Variants in CELF2 observed in about 807,000 individuals in gnomAD.
CELF2 encodes the protein CUGBP Elav-like family member 2, also known as CUG triplet repeat RNA-binding protein 2.
Under a neutral mutation model 62.6 loss-of-function variants are expected in CELF2, and 8 were observed. The observed-to-expected ratio is 0.13, with a 90% CI of 0.07 to 0.23. The LOEUF (loss-of-function observed/expected upper bound fraction) is 0.23. Ranked by LOEUF, CELF2 falls within the 10% of genes least tolerant of loss-of-function variation. The pLI, the probability that CELF2 is intolerant of heterozygous loss-of-function variation, is 1.00. For synonymous variants in CELF2, 258 were observed against 250.0 expected (o/e 1.03, Z -0.30); for missense variants, 333 against 671.0 (o/e 0.50, Z 5.56).
At chr10:10,691,081 A>G in the CELF2 span, among the ~76,000 whole-genome samples, 1 of 151,982 alleles carries the variant, frequency 6.6e-6, no homozygotes, top group African/African-American at 2.4e-5. Context: ...ATGTATACAT[A>G]TGCCATGCTG....
At chr10:11,038,547 A>G (rs2061331331) in intron 1 of CELF2, among the ~76,000 whole-genome samples, 1 of 152,268 alleles carries the variant, frequency 6.6e-6, no homozygotes, top group Non-Finnish European at 1.5e-5. Context: ...AGTAGTAGTT[A>G]TGGTACTGGG....
chr10:10,520,795 G>T, the CELF2 span, among the ~76,000 whole-genome samples: 1 of 152,142 alleles, frequency 6.6e-6, no homozygotes, highest in Non-Finnish European at 1.5e-5. Context: ...CAGAAGGCTT[G>T]AGCTTTTAAT....
the CELF2 span, among the ~76,000 whole-genome samples, chr10:10,768,807 C>G: frequency 6.6e-6 from 1 of 152,070 alleles, no homozygotes; most frequent in African/African-American, 2.4e-5. Context: ...CTCCTGACCT[C>G]AAGTGATCCA....
chr10:11,282,630 A>G (rs772265029), intron 8 of CELF2, among the ~76,000 whole-genome samples: 5 of 152,166 alleles, frequency 3.3e-5, no homozygotes, highest in Non-Finnish European at 7.3e-5. Context: ...TGAGCTTTCT[A>G]TGTGTTGACC....
At position 11,053,469 on chromosome 10, in the gene CELF2, G is replaced by A. The variant is rs1406599388; in HGVS notation, c.74+35306G>A. On this transcript the variant is annotated intron_variant, in intron 1 of 12. Transcript: ENST00000633077. ...AGTATGTGTTGTGGATGGATTAGGG[G>A]GAAATACTTTTTCTCTTTAACTCTT... is the stretch of plus-strand genomic sequence containing the variant. Among the ~76,000 whole-genome samples, 9 of 151,752 alleles carry A rather than the reference G, an allele frequency of 5.9e-5. No individual in the cohort carries two copies. The East Asian group carries it at 1.4e-3, about 23-fold the overall frequency.
rs527494668 is a variant in CELF2 at position 11,324,514 on chromosome 10, C to T, written c.1295-1322C>T. On this transcript the variant is annotated intron_variant, in intron 11 of 12. Coordinates refer to ENST00000633077, the MANE Select transcript of CELF2 (RefSeq NM_001326342.2). This position sits in a 1 kb window ranked among gnomAD's most constrained non-coding sequence, Gnocchi z 4.7. The stretch of plus-strand genomic sequence containing the variant: ...AGACTCCTTCCCATGCCCTAGAATA[C>T]GGATATATCCCAGGAAATTGGCAGC... Among the ~76,000 whole-genome samples, 7 of 152,322 alleles carry T rather than the reference C, an allele frequency of 4.6e-5. No individual in the cohort carries two copies. Among genetic ancestry groups the T allele is most frequent in the African/African-American group, 1.2e-4 (5 of 41,572 alleles).
At chr10:10,631,905 A>G in the CELF2 span, among the ~76,000 whole-genome samples, 1 of 152,330 alleles carries the variant, frequency 6.6e-6, no homozygotes, top group African/African-American at 2.4e-5. Context: ...GTTCACCTCT[A>G]ATCAGCTGCA....
the CELF2 span, among the ~76,000 whole-genome samples, chr10:10,743,911 CCAG>C: frequency 0.4 from 61,253 of 151,666 alleles, 12,663 homozygotes; most frequent in South Asian, 0.56. Context: ...CCACTGTAGT[CCAG>C]CAGCAGCCAT....
chr10:10,700,098 C>T, the CELF2 span, among the ~76,000 whole-genome samples: 15 of 152,198 alleles, frequency 9.9e-5, no homozygotes, highest in African/African-American at 3.4e-4. Flanking sequence ...TGTCCTTGTT[C>T]AAATGCTAAA....
At chr10:10,878,758 C>T (rs574202461) in intron 1 of CELF2, among the ~76,000 whole-genome samples, 13 of 151,984 alleles carry the variant, frequency 8.6e-5, no homozygotes, top group South Asian at 2.1e-4. Flanking sequence ...TTGTTTACGA[C>T]GAAAACATGA....
rs116982905 is a variant in CELF2, at chr10:10,851,173, T to A, written c.53+52356T>A. Among the ~76,000 whole-genome samples the A allele has an allele frequency of 1.9e-3, 285 of 152,318 alleles. 7 individuals carry two copies. The East Asian group carries it at 0.039, about 21-fold the overall frequency. The stretch of plus-strand genomic sequence containing the variant: ...TAACAAGGAAGAAGCAGAGGCATAA[T>A]CCATATGAGTTCTTAACTCTTACAT... On this transcript the variant is annotated intron_variant, in intron 1 of 13. Coordinates refer to the CELF2 transcript ENST00000636488.
the CELF2 span, among the ~76,000 whole-genome samples, chr10:10,571,010 G>A: frequency 6.6e-6 from 1 of 152,050 alleles, no homozygotes; most frequent in East Asian, 1.9e-4. Context: ...AGTACATCAA[G>A]GTTAATATTA....
chr10:11,323,293 C>T (rs2095540887), intron 11 of CELF2, among the ~76,000 whole-genome samples: 1 of 152,022 alleles, frequency 6.6e-6, no homozygotes, highest in South Asian at 2.1e-4. Context: ...TTGGAATCAT[C>T]TCCCACCTTG....
At chr10:11,163,023 A>G (rs1333389568) in intron 1 of CELF2, among the ~76,000 whole-genome samples, 1 of 152,178 alleles carries the variant, frequency 6.6e-6, no homozygotes, top group Non-Finnish European at 1.5e-5. Context: ...GGGATGAAAT[A>G]CTAATGTACA....
At chr10:11,219,043 C>T (rs1425701016) in intron 3 of CELF2, among the ~76,000 whole-genome samples, 2 of 152,164 alleles carry the variant, frequency 1.3e-5, no homozygotes, top group East Asian at 1.9e-4. Context: ...TGCCGAATCC[C>T]TTCTAGGTGT....
intron 9 of CELF2, among the ~76,000 whole-genome samples, chr10:11,307,105 C>A (rs547853284): frequency 2.6e-5 from 4 of 152,350 alleles, no homozygotes; most frequent in Non-Finnish European, 5.9e-5. Context: ...TTTGCAGACC[C>A]ACCTTGGAGA....
At position 11,306,489 on chromosome 10, in the gene CELF2, C is replaced by T. The variant is rs1034492427; in HGVS notation, c.977-7650C>T. On this transcript the variant is annotated intron_variant, in intron 9 of 12. Coordinates refer to ENST00000633077, the MANE Select transcript of CELF2 (RefSeq NM_001326342.2). This position sits in a 1 kb window ranked among gnomAD's most constrained non-coding sequence, Gnocchi z 4.4. ...CTCAATTGTGCATCTGCTGAACGGTCAGTCTTTAGGTACTTGATCAAGGTT... is the reference window on the plus strand; with the variant it reads ...CTCAATTGTGCATCTGCTGAACGGTTAGTCTTTAGGTACTTGATCAAGGTT... 3.3e-5 allele frequency among the ~76,000 whole-genome samples: 5 copies of T among 152,028 alleles called. No individual in the cohort carries two copies. Among genetic ancestry groups the T allele is most frequent in the African/African-American group, 1.2e-4 (5 of 41,384 alleles).
the CELF2 span, among the ~76,000 whole-genome samples, chr10:10,523,802 G>A: frequency 1.1e-4 from 16 of 152,136 alleles, no homozygotes; most frequent in African/African-American, 2.7e-4. Flanking sequence ...GCAGGGGTGG[G>A]GAGAGCCTTC....
chr10:10,847,536 C>T (rs949265939), intron 1 of CELF2, among the ~76,000 whole-genome samples: 2 of 152,074 alleles, frequency 1.3e-5, no homozygotes, highest in African/African-American at 4.8e-5. Flanking sequence ...GAGGCAAGCA[C>T]GATGTATAAC....
Sources: allele counts gnomAD v4.1 joint callset (sites outside exome capture counted in the v4.1 genomes callset), GRCh38; gene constraint gnomAD v4.1.1; non-coding constraint Gnocchi (gnomAD v3.1); transcripts MANE v1.5; gene names NCBI Gene and HGNC (gene_info 2026-07-23, HGNC 2026-07-21).